Variants in NOL4 observed in about 807,000 individuals in gnomAD.
NOL4 encodes the protein cancer/testis antigen 125.
NOL4 carries 17 observed loss-of-function variants against 75.9 expected under a neutral mutation model. That is an observed-to-expected ratio of 0.22 (90% CI 0.15 to 0.34). The LOEUF (loss-of-function observed/expected upper bound fraction) is 0.34. Among genes scored for constraint, NOL4 ranks in the 10% least tolerant of loss-of-function variants. The pLI, the probability that NOL4 is intolerant of heterozygous loss-of-function variation, is 1.00. For missense variants in NOL4, 614 were observed against 793.5 expected, an observed-to-expected ratio of 0.77 and a Z score of 2.72; for synonymous variants, 292 against 289.9, an observed-to-expected ratio of 1.01 and a Z score of -0.07.
At chr18:34,108,103 T>G (rs2079399276) in intron 2 of NOL4, among the ~76,000 whole-genome samples, 1 of 152,164 alleles carries the variant, frequency 6.6e-6, no homozygotes, top group African/African-American at 2.4e-5. Flanking sequence ...GCACCAAGTA[T>G]TGAAGCCATT....
At chr18:34,042,003 T>C (rs1346615955) in intron 5 of NOL4, among the ~76,000 whole-genome samples, 1 of 152,002 alleles carries the variant, frequency 6.6e-6, no homozygotes, top group Non-Finnish European at 1.5e-5. Context: ...TACAAAAATA[T>C]AGGTTCAGGC....
intron 9 of NOL4, among the ~76,000 whole-genome samples, chr18:33,898,976 T>A (rs947783323): frequency 6.6e-6 from 1 of 152,082 alleles, no homozygotes; most frequent in African/African-American, 2.4e-5. Flanking sequence ...ACAACACCCA[T>A]CCCCACTCCA....
At chr18:33,957,565 C>T in intron 7 of NOL4, 48 bp from the exon 8 acceptor site, 1 of 1,403,248 alleles carries the variant, frequency 7.1e-7, no homozygotes. Flanking sequence ...GGGCTGCTCT[C>T]TTCTGTTCCT....
intron 5 of NOL4, among the ~76,000 whole-genome samples, chr18:34,075,641 C>T (rs2077711717): frequency 6.6e-6 from 1 of 152,122 alleles, no homozygotes; most frequent in Admixed American, 6.6e-5. Context: ...GGCTACACTC[C>T]ATGTAAATCT....
intron 1 of NOL4, among the ~76,000 whole-genome samples, chr18:34,205,054 G>A (rs865937399): frequency 1.3e-5 from 2 of 152,032 alleles, no homozygotes. Context: ...CATCCTTACT[G>A]CCCTGGATTA....
rs959772753 is a variant in NOL4 at position 33,979,601 on chromosome 18, AT to A, written c.1057-21184del. 8.4e-4 allele frequency among the ~76,000 whole-genome samples: 126 copies of A among 149,362 alleles called. 1 individual carries two copies. The highest frequency in any genetic ancestry group is 2.4e-3 in the African/African-American group (97 of 40,910). ...TACCATAAATGTTGAGGAACTTAGA[AT>A]TTTTTTTTTGTATTTAGAAATAGCA... On this transcript the variant is annotated intron_variant, in intron 6 of 10. Transcript: ENST00000261592.
At chr18:33,947,490 C>T (rs934057000) in intron 8 of NOL4, among the ~76,000 whole-genome samples, 2 of 151,668 alleles carry the variant, frequency 1.3e-5, no homozygotes, top group African/African-American at 4.8e-5. Flanking sequence ...GCAATAAATT[C>T]AATAGATAAC....
At chr18:34,024,194 A>AAAATATATATATATATATAT in intron 5 of NOL4, among the ~76,000 whole-genome samples, 5 of 70,688 alleles carry the variant, frequency 7.1e-5, no homozygotes, top group African/African-American at 2.1e-4. Context: ...AAAAAAAAAA[A>AAAATATATATATATATATAT]ATATATATAT....
chr18:33,992,227 T>C (rs909470225), intron 6 of NOL4, among the ~76,000 whole-genome samples: 1 of 152,056 alleles, frequency 6.6e-6, no homozygotes, highest in African/African-American at 2.4e-5. Context: ...TATTTTTCTT[T>C]TGTAGTCTAA....
intron 1 of NOL4, among the ~76,000 whole-genome samples, chr18:34,202,332 G>A (rs992871929): frequency 6.6e-6 from 1 of 151,876 alleles, no homozygotes; most frequent in Admixed American, 6.6e-5. Flanking sequence ...AAATTGTTAA[G>A]TAATAAATTG....
intron 8 of NOL4, among the ~76,000 whole-genome samples, chr18:33,955,423 C>A (rs2069572611): frequency 6.6e-6 from 1 of 151,986 alleles, no homozygotes; most frequent in Admixed American, 6.6e-5. Flanking sequence ...ATTTCCTAAA[C>A]ATGAAAGGCT....
chr18:33,877,623 T>C (rs1168597190), intron 10 of NOL4, among the ~76,000 whole-genome samples: 4 of 151,982 alleles, frequency 2.6e-5, no homozygotes, highest in Non-Finnish European at 5.9e-5. Flanking sequence ...CATTTTATGA[T>C]AGGAAAGTTT....
At chr18:33,980,417 A>G (rs1381030383) in intron 6 of NOL4, among the ~76,000 whole-genome samples, 1 of 152,088 alleles carries the variant, frequency 6.6e-6, no homozygotes, top group East Asian at 1.9e-4. Flanking sequence ...GGCTTATAGC[A>G]AAAGGAGGGG....
chr18:33,964,937 A>G (rs1246698871), intron 6 of NOL4, among the ~76,000 whole-genome samples: 1 of 152,198 alleles, frequency 6.6e-6, no homozygotes, highest in East Asian at 1.9e-4. Context: ...AAGAGATATA[A>G]TCAAATAAAA....
At position 33,943,289 on chromosome 18, in the gene NOL4, T is replaced by C. The variant is rs577493631; in HGVS notation, c.1429-111A>G. On this transcript the variant is annotated intron_variant, in intron 8 of 10. Coordinates refer to ENST00000261592, the MANE Select transcript of NOL4 (RefSeq NM_003787.5). ...TCATCAACATGTGCAGGAATATCCA[T>C]TTATTTCAACTGAACTTGTTTCAAT... The C allele has an allele frequency of 7.5e-6, 5 of 669,052 alleles. No individual in the cohort carries two copies. The East Asian group carries it at 8.2e-5, about 11-fold the overall frequency. 41.4% of individuals were successfully genotyped at this position (669,052 alleles called of 1,614,324 possible).
chr18:34,029,641 A>G (rs1395875374), intron 5 of NOL4, among the ~76,000 whole-genome samples: 1 of 152,086 alleles, frequency 6.6e-6, no homozygotes, highest in Non-Finnish European at 1.5e-5. Flanking sequence ...TTCTCTGGTG[A>G]TACTGCGAAC....
At chr18:34,139,440 T>C (rs1177222028) in intron 1 of NOL4, among the ~76,000 whole-genome samples, 2 of 152,226 alleles carry the variant, frequency 1.3e-5, no homozygotes, top group Non-Finnish European at 2.9e-5. Flanking sequence ...ATCTATTTCT[T>C]CTAGATTTTC....
chr18:34,112,668 G>C (rs1600634355), intron 2 of NOL4, among the ~76,000 whole-genome samples: 2 of 152,228 alleles, frequency 1.3e-5, no homozygotes, highest in African/African-American at 4.8e-5. Flanking sequence ...CATAGAAGCT[G>C]AGAGTAGAAT....
chr18:34,147,275 A>G (rs563987928), intron 1 of NOL4, among the ~76,000 whole-genome samples: 1 of 152,226 alleles, frequency 6.6e-6, no homozygotes, highest in South Asian at 2.1e-4. Flanking sequence ...GTGGTGAGAG[A>G]GGGCATCCTT....
Sources: gnomAD v4.1 joint callset for allele counts (sites outside exome capture counted in the v4.1 genomes callset) on GRCh38, gnomAD v4.1.1 for gene constraint, MANE v1.5 for transcripts, NCBI Gene and HGNC (gene_info 2026-07-23, HGNC 2026-07-21) for gene names.